The following ATRNL1 variants were observed in gnomAD, a reference collection of about 807,000 sequenced individuals.
The protein encoded by ATRNL1 is attractin-like protein 1.
In ATRNL1, 95 loss-of-function variants were observed where a neutral mutation model predicts 182.7. The ratio of observed to expected loss-of-function variants is 0.52; its 90% CI spans 0.44 to 0.62. The LOEUF is 0.62. Among genes scored for constraint, ATRNL1 ranks in the 20% least tolerant of loss-of-function variants. The pLI, the probability that ATRNL1 is intolerant of heterozygous loss-of-function variation, is 0.00. For missense variants in ATRNL1, 1,471 were observed against 1,679.5 expected (o/e 0.88, Z 2.17); for synonymous variants, 576 against 568.3 (o/e 1.01, Z -0.19).
intron 28 of ATRNL1, among the ~76,000 whole-genome samples, chr10:115,856,449 A>AAAAAAAAAAAAAAAAC (rs1565439910): frequency 6.8e-6 from 1 of 147,962 alleles, no homozygotes; most frequent in Non-Finnish European, 1.5e-5. Context: ...AAAAAAAAAA[A>AAAAAAAAAAAAAAAAC]AGCCATACAT....
intron 24 of ATRNL1, among the ~76,000 whole-genome samples, chr10:115,484,835 A>G (rs1209651270): frequency 2.0e-5 from 3 of 151,890 alleles, no homozygotes; most frequent in South Asian, 2.1e-4. Context: ...TGCTCTATCT[A>G]TGCTAATTAT....
rs535694690 is a variant in ATRNL1, at chr10:115,096,856, A to G, written c.293+2813A>G. The G allele has an allele frequency of 7.6e-5, 84 of 1,102,350 alleles. No homozygotes were observed. The African/African-American group carries it at 1.0e-3, about 13-fold the overall frequency. 68.3% of individuals were successfully genotyped at this position (1,102,350 alleles called of 1,614,324 possible). A position where few individuals can be genotyped will look rare whatever the true frequency, so the allele number is the denominator to read the frequency against. The stretch of plus-strand genomic sequence containing the variant: ...CTTACACAGGTAAAACAAAAGGAAC[A>G]TTGATTTTTCACCCAAAGCTAGACT... On this transcript the variant is annotated intron_variant, in intron 1 of 28. Transcript: ENST00000355044.
At chr10:115,644,954 A>T (rs1298285162) in intron 26 of ATRNL1, among the ~76,000 whole-genome samples, 1 of 152,122 alleles carries the variant, frequency 6.6e-6, no homozygotes, top group Admixed American at 6.6e-5. Context: ...AAATAGTTAC[A>T]TTCCTGAACC....
chr10:115,606,713 A>T (rs1555017694), intron 26 of ATRNL1, among the ~76,000 whole-genome samples: 2 of 152,064 alleles, frequency 1.3e-5, no homozygotes, highest in Non-Finnish European at 2.9e-5. Flanking sequence ...ATTATACATA[A>T]GACTTCAAAA....
At chr10:115,690,257 T>C (rs1946347344) in intron 26 of ATRNL1, among the ~76,000 whole-genome samples, 1 of 151,876 alleles carries the variant, frequency 6.6e-6, no homozygotes, top group South Asian at 2.1e-4. Flanking sequence ...ACCAGTTTCA[T>C]GGAAGACAAT....
chr10:115,392,129 A>G (rs1844059468), intron 19 of ATRNL1, among the ~76,000 whole-genome samples: 1 of 152,168 alleles, frequency 6.6e-6, no homozygotes, highest in South Asian at 2.1e-4. Flanking sequence ...TTATCCCATT[A>G]TATAAATTAC....
At chr10:115,536,474 A>T (rs1246481555) in intron 25 of ATRNL1, among the ~76,000 whole-genome samples, 1 of 152,134 alleles carries the variant, frequency 6.6e-6, no homozygotes, top group African/African-American at 2.4e-5. Flanking sequence ...AATGCGCAGT[A>T]TTGGGGTGGG....
At chr10:115,165,962 C>T (rs1473940817) in intron 7 of ATRNL1, among the ~76,000 whole-genome samples, 1 of 152,050 alleles carries the variant, frequency 6.6e-6, no homozygotes, top group African/African-American at 2.4e-5. Context: ...GTATAGAGTT[C>T]AGTGGCATTA....
Position 115,302,171 on chromosome 10 carries a change from T to C in ATRNL1, c.2818+128T>C, listed in dbSNP as rs945279506. On this transcript the variant is annotated intron_variant, in intron 17 of 28. Transcript: ENST00000355044. ...GAAAAAATATTGTTACGGCTACTTT[T>C]GAAACCAACTGGTACTGTTAACCTC... 3.6e-6 allele frequency: 3 copies of C among 834,676 alleles called. No homozygotes were observed. In the African/African-American group the frequency reaches 5.2e-5, roughly 14 times the overall value. The allele number at this position is 834,676 out of a possible 1,614,324, so 51.7% of individuals were successfully genotyped here.
At chr10:115,256,849 T>C (rs572983007) in intron 10 of ATRNL1, among the ~76,000 whole-genome samples, 12 of 152,356 alleles carry the variant, frequency 7.9e-5, no homozygotes, top group Admixed American at 4.6e-4. Flanking sequence ...TTTGTTCTTA[T>C]TGGTTTCAAA....
chr10:115,292,952 G>T (rs1376530788), intron 15 of ATRNL1, among the ~76,000 whole-genome samples: 1 of 152,126 alleles, frequency 6.6e-6, no homozygotes, highest in African/African-American at 2.4e-5. Context: ...AGAGCATGGT[G>T]TTGAAGTCTC....
At chr10:115,920,424 A>G (rs1297731783) in intron 28 of ATRNL1, among the ~76,000 whole-genome samples, 3 of 152,202 alleles carry the variant, frequency 2.0e-5, no homozygotes, top group African/African-American at 7.2e-5. Context: ...GAAGTAGCAA[A>G]TGACTGGTTG....
At chr10:115,296,623 T>G (rs938912761) in intron 15 of ATRNL1, among the ~76,000 whole-genome samples, 2 of 152,228 alleles carry the variant, frequency 1.3e-5, no homozygotes, top group Non-Finnish European at 2.9e-5. Flanking sequence ...ATCCTTTGGC[T>G]TTTATAAATA....
chr10:115,202,491 A>T (rs1453731616), intron 8 of ATRNL1, among the ~76,000 whole-genome samples: 1 of 151,996 alleles, frequency 6.6e-6, no homozygotes, highest in Non-Finnish European at 1.5e-5. Flanking sequence ...TGAGATAATC[A>T]TGTGGTTTTT....
intron 2 of ATRNL1, 49 bp from the exon 3 acceptor site, chr10:115,121,650 C>A: frequency 2.6e-6 from 2 of 764,328 alleles, no homozygotes; most frequent in Non-Finnish European, 4.1e-6. Context: ...TTTATTCACT[C>A]TGTGCTTTGT....
In ATRNL1 at chr10:115,724,803, G is replaced by A. The variant is rs577227387; in HGVS notation, c.3796-2445G>A. On this transcript the variant is annotated intron_variant, in intron 26 of 28. Coordinates refer to ENST00000355044, the MANE Select transcript of ATRNL1 (RefSeq NM_207303.4). The stretch of plus-strand genomic sequence containing the variant: ...AAGTAGGACAATTGTTAAGAATTAG[G>A]GGAGGAGGGCAGAAATTAGTTGCAA... 5.9e-5 allele frequency among the ~76,000 whole-genome samples: 9 copies of A among 152,224 alleles called. No homozygotes were observed. The South Asian group carries it at 1.9e-3, about 32-fold the overall frequency.
intron 26 of ATRNL1, among the ~76,000 whole-genome samples, chr10:115,690,195 T>C (rs1555047635): frequency 6.6e-6 from 1 of 151,988 alleles, no homozygotes; most frequent in Non-Finnish European, 1.5e-5. Flanking sequence ...CCCCAGGAAA[T>C]AGTACTCCCT....
At chr10:115,509,138 A>G (rs1158229586) in intron 24 of ATRNL1, among the ~76,000 whole-genome samples, 2 of 152,042 alleles carry the variant, frequency 1.3e-5, no homozygotes, top group African/African-American at 4.8e-5. Flanking sequence ...GCATGACAGC[A>G]TATCTATTTA....
rs577018165 is a variant in ATRNL1, at chr10:115,187,061, T to C, written c.1348+15769T>C. 3.9e-5 allele frequency among the ~76,000 whole-genome samples: 6 copies of C among 152,090 alleles called. No homozygotes were observed. In the East Asian group the frequency reaches 9.7e-4, roughly 25 times the overall value. On this transcript the variant is annotated intron_variant, in intron 8 of 28. Transcript: ENST00000355044. ...GAAATGCAAATTAAAACTACAATGATCTATGATCTCTCCCCTCACACCTGT... is the reference window on the plus strand; with the variant it reads ...GAAATGCAAATTAAAACTACAATGACCTATGATCTCTCCCCTCACACCTGT...
Sources: allele counts gnomAD v4.1 joint callset (sites outside exome capture counted in the v4.1 genomes callset), GRCh38; gene constraint gnomAD v4.1.1; transcripts MANE v1.5; gene names NCBI Gene and HGNC (gene_info 2026-07-23, HGNC 2026-07-21).